The following HAUS2 variants were observed in gnomAD, a reference collection of about 807,000 sequenced individuals.
HAUS2 encodes HAUS augmin like complex subunit 2.
HAUS2 carries 20 observed loss-of-function variants against 21.6 expected under a neutral mutation model. That is an observed-to-expected ratio of 0.93 (90% CI 0.65 to 1.35). The LOEUF is 1.35. Ranked by LOEUF, HAUS2 falls within the 40% of genes most tolerant of loss-of-function variation. The pLI, the probability that HAUS2 is intolerant of heterozygous loss-of-function variation, is 0.00. For missense variants in HAUS2, 297 were observed against 280.7 expected, an observed-to-expected ratio of 1.06 and a Z score of -0.42; for synonymous variants, 113 against 95.6, an observed-to-expected ratio of 1.18 and a Z score of -1.06.
intron 1 of HAUS2, among the ~76,000 whole-genome samples, chr15:42,554,870 A>G (rs1283010689): frequency 6.6e-6 from 1 of 151,770 alleles, no homozygotes; most frequent in Non-Finnish European, 1.5e-5. Context: ...TCTGTTGCCC[A>G]GGCTGGAGTT....
intron 4 of HAUS2, among the ~76,000 whole-genome samples, chr15:42,562,618 C>G (rs2057863294): frequency 6.6e-6 from 1 of 152,028 alleles, no homozygotes; most frequent in Admixed American, 6.6e-5. Flanking sequence ...AAACCCCTTT[C>G]TTGTGGCTAT....
intron 4 of HAUS2, 37 bp from the exon 5 acceptor site, chr15:42,563,712 C>T (rs779432407): frequency 9.8e-7 from 1 of 1,023,014 alleles, no homozygotes; most frequent in Non-Finnish European, 1.5e-6. Context: ...AACAATTAAA[C>T]TTTAAAAAAT....
chr15:42,569,879 A>G lies in HAUS2; in HGVS notation c.*3063A>G, dbSNP rs2057944339. 6.6e-6 allele frequency: 1 copy of G among 152,130 alleles called. No homozygotes were observed. Among genetic ancestry groups the G allele is most frequent in the Non-Finnish European group, 1.5e-5 (1 of 68,020 alleles). 9.4% of individuals were successfully genotyped at this position (152,130 alleles called of 1,614,324 possible). On this transcript the variant is annotated 3_prime_UTR_variant, in exon 6 of 6. Coordinates refer to ENST00000260372, the MANE Select transcript of HAUS2 (RefSeq NM_018097.3). The stretch of plus-strand genomic sequence containing the variant: ...GCTTTTTCTTCGTGTTATTTCCTAT[A>G]TTCATTTTTGTGTGTATGTGTATGT...
Position 42,548,912 on chromosome 15 carries a change from A to G in HAUS2, c.40A>G (p.Asn14Asp). 1 of 1,551,230 alleles carries G rather than the reference A, an allele frequency of 6.4e-7. No homozygotes were observed. The highest frequency in any genetic ancestry group is 1.2e-5 in the South Asian group (1 of 84,104). ...ANPWDPASAP[N>D]GAGLVLGHFI... ...CCCGTGGGACCCGGCGTCCGCGCCT[A>G]ACGGCGCTGGGCTAGTGCTAGGCCA... The change falls in exon 1 of 6, where the codon AAC becomes GAC. Residue 14 changes from asparagine to aspartate, a missense_variant. Transcript: ENST00000260372.
chr15:42,568,568 A>T lies in HAUS2; in HGVS notation c.*1752A>T, dbSNP rs1303611082. On this transcript the variant is annotated 3_prime_UTR_variant, in exon 6 of 6. Transcript: ENST00000260372. ...GGGGACATATTTAAACCTTAACAGG[A>T]GGGCTCCACTCACTGAAAAGAGTCG... 1 of 152,166 alleles carries T rather than the reference A, an allele frequency of 6.6e-6. No individual in the cohort carries two copies. The highest frequency in any genetic ancestry group is 1.5e-5 in the Non-Finnish European group (1 of 68,032). The allele number at this position is 152,166 out of a possible 1,614,324, so 9.4% of individuals were successfully genotyped here.
At chr15:42,554,891 G>C (rs2057756801) in intron 1 of HAUS2, among the ~76,000 whole-genome samples, 2 of 151,710 alleles carry the variant, frequency 1.3e-5, no homozygotes, top group Admixed American at 1.3e-4. Flanking sequence ...GCAGTAGCAT[G>C]ATCACAGCTC....
chr15:42,551,720 A>G (rs568975175), intron 1 of HAUS2, among the ~76,000 whole-genome samples: 1 of 152,236 alleles, frequency 6.6e-6, no homozygotes, highest in Admixed American at 6.5e-5. Flanking sequence ...GCCTAAACCA[A>G]AGGAGTAAGG....
At chr15:42,561,181 C>T (rs1366582657) in intron 3 of HAUS2, 89 bp from the exon 4 acceptor site, 60 of 748,006 alleles carry the variant, frequency 8.0e-5, no homozygotes, top group Middle Eastern at 2.6e-4. Flanking sequence ...GAATTTTTGA[C>T]ATGGGTAGTG....
intron 3 of HAUS2, among the ~76,000 whole-genome samples, chr15:42,560,560 T>A (rs1664473743): frequency 6.6e-6 from 1 of 152,104 alleles, no homozygotes; most frequent in Non-Finnish European, 1.5e-5. Flanking sequence ...AAAGGTCAAT[T>A]GGCAGCCATT....
intron 1 of HAUS2, among the ~76,000 whole-genome samples, chr15:42,550,144 G>A (rs912635328): frequency 6.6e-6 from 1 of 152,128 alleles, no homozygotes; most frequent in Non-Finnish European, 1.5e-5. Context: ...TACACCTGTA[G>A]TCCCAACTAC....
chr15:42,556,091 G>T (rs1206075374), intron 1 of HAUS2, among the ~76,000 whole-genome samples: 4 of 150,406 alleles, frequency 2.7e-5, no homozygotes, highest in Non-Finnish European at 4.4e-5. Context: ...GACTAGCTGG[G>T]ATTACAGGCG....
At position 42,567,399 on chromosome 15, in the gene HAUS2, T is replaced by TC. The variant is rs1166381837; in HGVS notation, c.*584dup. On this transcript the variant is annotated 3_prime_UTR_variant, in exon 6 of 6. Coordinates refer to ENST00000260372, the MANE Select transcript of HAUS2 (RefSeq NM_018097.3). The stretch of plus-strand genomic sequence containing the variant: ...CTGGGCGACACAGTAAGACCCTGTC[T>TC]CAAAAAAAAGAAGTGTGTTTCTGGC... 4.6e-5 allele frequency: 7 copies of TC among 152,988 alleles called. No homozygotes were observed. The highest frequency in any genetic ancestry group is 1.7e-4 in the African/African-American group (7 of 41,372). The allele number at this position is 152,988 out of a possible 1,614,324, so 9.5% of individuals were successfully genotyped here.
At chr15:42,551,744 A>G (rs988670574) in intron 1 of HAUS2, among the ~76,000 whole-genome samples, 2 of 152,136 alleles carry the variant, frequency 1.3e-5, no homozygotes, top group African/African-American at 4.8e-5. Context: ...TGGTGACAGA[A>G]TTTCAGGCAT....
chr15:42,555,510 G>A (rs2057763929), intron 1 of HAUS2, among the ~76,000 whole-genome samples: 1 of 152,196 alleles, frequency 6.6e-6, no homozygotes, highest in Non-Finnish European at 1.5e-5. Context: ...TCTGCAGTAT[G>A]ATTGTTGAGC....
rs113194201 is a variant in HAUS2 at position 42,567,735 on chromosome 15, T to C, written c.*919T>C. 15,621 of 152,296 alleles carry C rather than the reference T, an allele frequency of 0.1. 892 individuals carry two copies. The highest frequency in any genetic ancestry group is 0.17 in the South Asian group (823 of 4,830). 9.4% of individuals were successfully genotyped at this position (152,296 alleles called of 1,614,324 possible). ...GGTGGACGCCTGTAATCCCAGCTAC[T>C]TGGGAGGCTGAGGCAGAATAATCGC... is the stretch of plus-strand genomic sequence containing the variant. On this transcript the variant is annotated 3_prime_UTR_variant, in exon 6 of 6. Transcript: ENST00000260372.
intron 5 of HAUS2, among the ~76,000 whole-genome samples, chr15:42,564,149 C>A (rs543581154): frequency 1.4e-4 from 22 of 151,768 alleles, no homozygotes; most frequent in African/African-American, 5.3e-4. Flanking sequence ...GCCTGTAATT[C>A]CAGCTACCCG....
intron 1 of HAUS2, among the ~76,000 whole-genome samples, chr15:42,557,259 T>C (rs1338935250): frequency 2.2e-5 from 3 of 136,544 alleles, no homozygotes; most frequent in African/African-American, 8.2e-5. Flanking sequence ...GAGCTTGCAG[T>C]GAGCCGAGAT....
chr15:42,555,724 G>A (rs999343997), intron 1 of HAUS2, among the ~76,000 whole-genome samples: 4 of 151,960 alleles, frequency 2.6e-5, no homozygotes, highest in African/African-American at 4.8e-5. Context: ...TGAATATTTC[G>A]TTGACTAACT....
intron 5 of HAUS2, among the ~76,000 whole-genome samples, chr15:42,565,043 G>A (rs12440506): frequency 0.12 from 17,576 of 152,108 alleles, 1,148 homozygotes; most frequent in Non-Finnish European, 0.15. Flanking sequence ...TGCCATGTTG[G>A]CCAGGCTGGT....
Sources: gnomAD v4.1 joint callset for allele counts (sites outside exome capture counted in the v4.1 genomes callset) on GRCh38, gnomAD v4.1.1 for gene constraint, MANE v1.5 for transcripts, NCBI Gene and HGNC (gene_info 2026-07-23, HGNC 2026-07-21) for gene names.